ECRG4: variants seen among roughly 807,000 people sequenced by gnomAD.
ECRG4 encodes the protein augurin.
Under a neutral mutation model 15.8 loss-of-function variants are expected in ECRG4, and 18 were observed. The ratio of observed to expected loss-of-function variants is 1.14; its 90% confidence interval spans 0.79 to 1.69. The LOEUF (loss-of-function observed/expected upper bound fraction) is 1.69. Ranked by LOEUF, ECRG4 falls within the 40% of genes most tolerant of loss-of-function variation. The pLI is 0.00. For missense variants in ECRG4, 200 were observed against 190.9 expected (o/e 1.05, Z -0.28); for synonymous variants, 82 against 73.9 (o/e 1.11, Z -0.56).
intron 3 of ECRG4, among the ~76,000 whole-genome samples, chr2:106,075,656 A>T (rs900616705): frequency 2.6e-5 from 4 of 152,180 alleles, no homozygotes; most frequent in African/African-American, 7.2e-5. Context: ...CGGGAGGCGG[A>T]GTTTGCTGTG....
intron 2 of ECRG4, among the ~76,000 whole-genome samples, chr2:106,072,732 T>C (rs183292166): frequency 2.4e-4 from 37 of 152,272 alleles, no homozygotes; most frequent in Admixed American, 2.0e-3. Context: ...TTCCTGGGGT[T>C]CCAGCCACCC....
upstream of ECRG4, among the ~76,000 whole-genome samples, chr2:106,064,846 A>T (rs1467623055): frequency 6.6e-6 from 1 of 152,126 alleles, no homozygotes; most frequent in African/African-American, 2.4e-5. Context: ...GTTGGGATAA[A>T]GTTGTTCTAG....
At chr2:106,070,909 A>C (rs1199042598) in intron 1 of ECRG4, 19 of 471,134 alleles carry the variant, frequency 4.0e-5, no homozygotes, top group Non-Finnish European at 7.9e-5. Context: ...TCTACTCACT[A>C]CTTACGATGT....
At chr2:106,069,356 T>C (rs1396275850) in intron 1 of ECRG4, among the ~76,000 whole-genome samples, 1 of 148,808 alleles carries the variant, frequency 6.7e-6, no homozygotes, top group Admixed American at 6.7e-5. Flanking sequence ...TTTTCTGAGA[T>C]AGAGTCTCAC....
chr2:106,077,839 A>G lies in ECRG4; in HGVS notation c.360A>G (p.Gln120=), dbSNP rs1182283702. The G allele has an allele frequency of 5.0e-6, 8 of 1,614,124 alleles. No homozygotes were observed. The East Asian group carries it at 8.9e-5, about 18-fold the overall frequency. ...NGHEYYGDYY[Q]RHYDEDSAIG... is the part of the protein sequence containing the mutation. ...ATGAATACTATGGCGATTACTACCA[A>G]CGTCACTATGATGAAGACTCTGCAA... Residue 120 remains glutamine (Q), a synonymous_variant, in exon 4 of 4, where the codon CAA becomes CAG. Coordinates refer to ENST00000238044, the MANE Select transcript of ECRG4 (RefSeq NM_032411.3).
chr2:106,073,673 A>T lies in ECRG4; in HGVS notation c.128-213A>T, dbSNP rs1395692334. 7 of 604,592 alleles carry T rather than the reference A, an allele frequency of 1.2e-5. No homozygotes were observed. The African/African-American group carries it at 1.3e-4, about 11-fold the overall frequency. The allele number at this position is 604,592 out of a possible 1,614,324, so 37.5% of individuals were successfully genotyped here. ...GTTGAAGTTTAGTCCATGCCCCTTT[A>T]TAGGGTTGTACCAAATAACACTTAC... On this transcript the variant is annotated intron_variant, in intron 2 of 3. Coordinates refer to ENST00000238044, the MANE Select transcript of ECRG4 (RefSeq NM_032411.3).
At chr2:106,076,970 TA>T (rs568786967) in intron 3 of ECRG4, among the ~76,000 whole-genome samples, 5 of 152,020 alleles carry the variant, frequency 3.3e-5, no homozygotes, top group South Asian at 2.1e-4. Context: ...GTCTCTCCTT[TA>T]AAAAAAATGT....
At chr2:106,067,046 C>A (rs970427709) in intron 1 of ECRG4, among the ~76,000 whole-genome samples, 1 of 42,972 alleles carries the variant, frequency 2.3e-5, no homozygotes, top group Non-Finnish European at 4.4e-5. Context: ...GTAATCCCAG[C>A]ACTTTGGGAG....
At chr2:106,064,060 A>C (rs909566935), upstream of ECRG4, among the ~76,000 whole-genome samples, 1 of 152,142 alleles carries the variant, frequency 6.6e-6, no homozygotes, top group Admixed American at 6.5e-5. Flanking sequence ...CTAATGATAA[A>C]TTTCTTGTCC....
At chr2:106,075,637 C>T (rs1676470113) in intron 3 of ECRG4, among the ~76,000 whole-genome samples, 2 of 152,058 alleles carry the variant, frequency 1.3e-5, no homozygotes, top group South Asian at 4.1e-4. Flanking sequence ...CAGGAGAATC[C>T]TTCGAACCCG....
upstream of ECRG4, chr2:106,065,640 C>T: frequency 1.5e-6 from 1 of 669,820 alleles, no homozygotes; most frequent in Non-Finnish European, 2.2e-6. Context: ...CTGGGTCCCG[C>T]CCCGGCAGCG....
chr2:106,075,255 C>A (rs1309524896), intron 3 of ECRG4, among the ~76,000 whole-genome samples: 4 of 152,240 alleles, frequency 2.6e-5, no homozygotes, highest in African/African-American at 9.6e-5. Context: ...TCAAACTGCA[C>A]ATTCCTGTGA....
Position 106,065,756 on chromosome 2 carries a change from C to G in ECRG4, c.-9C>G. On this transcript the variant is annotated 5_prime_UTR_variant, in exon 1 of 4. Transcript: ENST00000238044. ...GCGCCCCTCGCCCTCCTGCTCGCGC[C>G]CCGCCGCCATGGCTGCCTCCCCCGC... 1 of 1,479,826 alleles carries G rather than the reference C, an allele frequency of 6.8e-7. No homozygotes were observed. The highest frequency in any genetic ancestry group is 8.9e-7 in the Non-Finnish European group (1 of 1,122,264). 91.7% of individuals were successfully genotyped at this position (1,479,826 alleles called of 1,614,324 possible). A position where few individuals can be genotyped will look rare whatever the true frequency, so the allele number is the denominator to read the frequency against.
At chr2:106,072,552 T>A (rs1446733066) in intron 2 of ECRG4, among the ~76,000 whole-genome samples, 1 of 152,256 alleles carries the variant, frequency 6.6e-6, no homozygotes, top group Non-Finnish European at 1.5e-5. Context: ...ACTTCTGATG[T>A]GACCATTTAG....
At position 106,067,644 on chromosome 2, in the gene ECRG4, G is replaced by A. The variant is rs184945155; in HGVS notation, c.79+1801G>A. ...GTCACCACGCCCAGCTAAGGTTTTTGTTTTTGTTTTGTATTTTTAGTAGAG... is the reference window on the plus strand; with the variant it reads ...GTCACCACGCCCAGCTAAGGTTTTTATTTTTGTTTTGTATTTTTAGTAGAG... On this transcript the variant is annotated intron_variant, in intron 1 of 3. Coordinates refer to ENST00000238044, the MANE Select transcript of ECRG4 (RefSeq NM_032411.3). Among the ~76,000 whole-genome samples the A allele has an allele frequency of 1.3e-3, 202 of 150,876 alleles. 1 individual carries two copies. Among genetic ancestry groups the A allele is most frequent in the Non-Finnish European group, 2.4e-3 (160 of 67,620 alleles).
In ECRG4 at chr2:106,071,244, A is replaced by G. The variant is rs545590639; in HGVS notation, c.80-600A>G. Among the ~76,000 whole-genome samples the G allele has an allele frequency of 4.1e-5, 6 of 147,368 alleles. No individual in the cohort carries two copies. The South Asian group carries it at 1.3e-3, about 32-fold the overall frequency. On this transcript the variant is annotated intron_variant, in intron 1 of 3. Transcript: ENST00000238044. ...TGGATCCTCTCTTCTTCTTATAAAA[A>G]CACCAGTCACTGGATTTCTGTCCAT...
At chr2:106,066,404 T>C (rs533779828) in intron 1 of ECRG4, among the ~76,000 whole-genome samples, 162 of 152,356 alleles carry the variant, frequency 1.1e-3, no homozygotes, top group Non-Finnish European at 2.9e-4. Flanking sequence ...TTGAAAACTC[T>C]GAAATTCTCT....
At chr2:106,069,535 A>G (rs910647929) in intron 1 of ECRG4, among the ~76,000 whole-genome samples, 4 of 152,038 alleles carry the variant, frequency 2.6e-5, no homozygotes, top group Middle Eastern at 3.2e-3. Context: ...GGGTTTCACC[A>G]AGTTGACCAG....
upstream of ECRG4, among the ~76,000 whole-genome samples, chr2:106,064,964 A>G (rs1360351710): frequency 6.6e-6 from 1 of 152,012 alleles, no homozygotes; most frequent in African/African-American, 2.4e-5. Flanking sequence ...TCGCTCGCTG[A>G]AGTGTGCCCA....
Sources: allele counts gnomAD v4.1 joint callset (sites outside exome capture counted in the v4.1 genomes callset), GRCh38; gene constraint gnomAD v4.1.1; transcripts MANE v1.5; gene names NCBI Gene and HGNC (gene_info 2026-07-23, HGNC 2026-07-21).